SPIRE2: variants seen among roughly 807,000 people sequenced by gnomAD.
The protein encoded by SPIRE2 is spire type actin nucleation factor 2, also known as protein spire homolog 2.
Under a neutral mutation model 80.7 loss-of-function variants are expected in SPIRE2, and 76 were observed. The observed-to-expected ratio is 0.94, with a 90% CI of 0.78 to 1.14. The LOEUF is 1.14. SPIRE2 is among the 50% of genes most tolerant of loss of function. The pLI, the probability that SPIRE2 is intolerant of heterozygous loss-of-function variation, is 0.00. For synonymous variants in SPIRE2, 535 were observed against 432.6 expected, an observed-to-expected ratio of 1.24 and a Z score of -2.94; for missense variants, 1,196 against 1,015.3, an observed-to-expected ratio of 1.18 and a Z score of -2.42.
intron 5 of SPIRE2, among the ~76,000 whole-genome samples, chr16:89,855,039 A>C (rs1246737025): frequency 1.3e-5 from 2 of 152,190 alleles, no homozygotes; most frequent in African/African-American, 2.4e-5. Flanking sequence ...CCTGGGTTCA[A>C]GCGATTCTCC....
At chr16:89,831,387 TTTTC>T (rs1254387908) in intron 1 of SPIRE2, among the ~76,000 whole-genome samples, 9 of 149,384 alleles carry the variant, frequency 6.0e-5, no homozygotes, top group East Asian at 1.9e-4. Flanking sequence ...GCTAAACTTT[TTTTC>T]TTTCTTTCTT....
At position 89,866,361 on chromosome 16, in the gene SPIRE2, G is replaced by A. The variant is rs1001690518; in HGVS notation, c.1779-1828G>A. Among the ~76,000 whole-genome samples, 9 of 151,840 alleles carry A rather than the reference G, an allele frequency of 5.9e-5. No homozygotes were observed. In the East Asian group the frequency reaches 7.7e-4, roughly 13 times the overall value. On this transcript the variant is annotated intron_variant, in intron 12 of 14. Transcript: ENST00000378247. ...TGCCCAGTCGGAAGTGCAATGCCGC[G>A]ATCTCAGCTCACTGCAACCTCTGCC...
At chr16:89,868,349 A>G (rs932616406) in intron 13 of SPIRE2, 133 bp downstream of exon 13, 5 of 966,896 alleles carry the variant, frequency 5.2e-6, no homozygotes, top group East Asian at 4.9e-5. Flanking sequence ...ATCCATTCCT[A>G]TACTTTCCAA....
At chr16:89,868,305 C>T in intron 13 of SPIRE2, 89 bp downstream of exon 13, 6 of 1,276,076 alleles carry the variant, frequency 4.7e-6, no homozygotes, top group Non-Finnish European at 6.8e-6. Context: ...GATGCTGCCT[C>T]ACCAGGCACC....
chr16:89,832,105 G>A (rs1037740763), intron 1 of SPIRE2, among the ~76,000 whole-genome samples: 13 of 152,374 alleles, frequency 8.5e-5, no homozygotes, highest in African/African-American at 1.9e-4. Context: ...TGATGGCAGC[G>A]CGTGCCCGCG....
In SPIRE2 at chr16:89,854,534, G is replaced by A. The variant is rs1458859715; in HGVS notation, c.774G>A (p.Lys258=). ...QLMRELRRGV[K]LKKVQEQEFN... Reference sequence around the variant, plus strand: ...TGCGGGAGCTCCGCCGCGGAGTGAAGCTGAAGAAGGTGCAAGAGCAGGAGT... The same window carrying A: ...TGCGGGAGCTCCGCCGCGGAGTGAAACTGAAGAAGGTGCAAGAGCAGGAGT... The change falls in exon 5 of 15, where the codon AAG becomes AAA. Residue 258 remains lysine, a synonymous_variant. Coordinates refer to ENST00000378247, the MANE Select transcript of SPIRE2 (RefSeq NM_032451.2). 1.2e-6 allele frequency: 2 copies of A among 1,612,786 alleles called. No individual in the cohort carries two copies. Among genetic ancestry groups the A allele is most frequent in the East Asian group, 2.2e-5 (1 of 44,884 alleles).
chr16:89,862,016 T>G (rs1161695625), intron 10 of SPIRE2: 1 of 151,552 alleles, frequency 6.6e-6, no homozygotes, highest in Non-Finnish European at 1.5e-5. Context: ...TTTTTTTTTT[T>G]TTTTGAGACA....
At chr16:89,839,392 G>A (rs960398202) in intron 1 of SPIRE2, among the ~76,000 whole-genome samples, 112 of 138,958 alleles carry the variant, frequency 8.1e-4, no homozygotes, top group African/African-American at 2.9e-3. Flanking sequence ...AAAAAAAACT[G>A]TTAGGGATGT....
rs1368856434 is a variant in SPIRE2 at position 89,854,467 on chromosome 16, T to C, written c.727-20T>C. The C allele has an allele frequency of 1.2e-6, 2 of 1,611,400 alleles. No individual in the cohort carries two copies. The highest frequency in any genetic ancestry group is 2.2e-5 in the South Asian group (2 of 91,036). ...AGCTTCACCTGGGGCTGAGACCCAT[T>C]CTCTTCCCCTGGGGCCCAGGCCCGA... On this transcript the variant is annotated intron_variant, in intron 4 of 14. Transcript: ENST00000378247.
rs1313903241 is a variant in SPIRE2, at chr16:89,870,422, C to T, written c.*150C>T. ...TATATTTATATACACTGTTTCCTGG[C>T]CCCAGAGCTCATTTGGGTTCAGGCG... On this transcript the variant is annotated 3_prime_UTR_variant, in exon 15 of 15. Transcript: ENST00000378247. 8.5e-6 allele frequency: 5 copies of T among 585,156 alleles called. No individual in the cohort carries two copies. The Admixed American group carries it at 1.5e-4, about 18-fold the overall frequency. The allele number at this position is 585,156 out of a possible 1,614,324, so 36.2% of individuals were successfully genotyped here. A position where few individuals can be genotyped will look rare whatever the true frequency, so the allele number is the denominator to read the frequency against.
chr16:89,862,096 C>T (rs1346531598), intron 10 of SPIRE2: 3 of 151,912 alleles, frequency 2.0e-5, no homozygotes, highest in East Asian at 1.9e-4. Flanking sequence ...CTCCGCCTCC[C>T]GGGTTCATGC....
chr16:89,854,640 C>T lies in SPIRE2; in HGVS notation c.880C>T (p.Arg294Cys), dbSNP rs779726566. 16 of 1,564,898 alleles carry T rather than the reference C, an allele frequency of 1.0e-5. No homozygotes were observed. Among genetic ancestry groups the T allele is most frequent in the African/African-American group, 5.4e-5 (4 of 73,528 alleles). ...CATCCGGGCCCGGAACTACAAGCTG[C>T]GCAAGGTCATGGTGAGCGGGGCAGA... ...QDIRARNYKL[R>C]KVMVDGDIPP... Residue 294 changes from arginine (R) to cysteine (C), a missense_variant, in exon 5 of 15, where the codon CGC becomes TGC. Coordinates refer to ENST00000378247, the MANE Select transcript of SPIRE2 (RefSeq NM_032451.2).
intron 13 of SPIRE2, among the ~76,000 whole-genome samples, chr16:89,868,458 G>C (rs2041808689): frequency 6.6e-6 from 1 of 152,172 alleles, no homozygotes; most frequent in Admixed American, 6.5e-5. Context: ...CCCTCTAAAA[G>C]TCCTACCTTC....
chr16:89,830,461 G>A lies in SPIRE2; in HGVS notation c.244+1667G>A, dbSNP rs1477430547. ...AAATCTATTACCCTGAACTTTCTGTGCCATCCTTGTGGTGCTTCTGAGTCA... is the reference window on the plus strand; with the variant it reads ...AAATCTATTACCCTGAACTTTCTGTACCATCCTTGTGGTGCTTCTGAGTCA... On this transcript the variant is annotated intron_variant, in intron 1 of 14. Coordinates refer to ENST00000378247, the MANE Select transcript of SPIRE2 (RefSeq NM_032451.2). 3.3e-5 allele frequency among the ~76,000 whole-genome samples: 5 copies of A among 151,342 alleles called. 1 individual carries two copies. Among genetic ancestry groups the A allele is most frequent in the Non-Finnish European group, 1.5e-5 (1 of 67,502 alleles).
rs1158642514 is a variant in SPIRE2 at position 89,870,145 on chromosome 16, C to G, written c.2018C>G (p.Thr673Ser). The change falls in exon 15 of 15, where the codon ACC becomes AGC. Residue 673 changes from threonine (T) to serine (S), a missense_variant. Physicochemically the swap from Thr to Ser is moderately conservative, Grantham distance 58 (BLOSUM62 1). Transcript: ENST00000378247. Reference protein sequence around the residue: ...CVLKDVCSECTSFVADVVRSS... With the variant: ...CVLKDVCSECSSFVADVVRSS... ...CTGAAGGATGTCTGCAGTGAGTGCA[C>G]CAGCTTTGTGGCAGACGTGGTGCGT... The G allele has an allele frequency of 6.2e-7, 1 of 1,612,854 alleles. No homozygotes were observed. The highest frequency in any genetic ancestry group is 8.5e-7 in the Non-Finnish European group (1 of 1,179,544).
chr16:89,831,960 G>T (rs1183072756), intron 1 of SPIRE2, among the ~76,000 whole-genome samples: 2 of 139,200 alleles, frequency 1.4e-5, no homozygotes, highest in East Asian at 3.8e-4. Context: ...TAGTGATCTA[G>T]GCAGCACGGG....
At chr16:89,869,516 C>G in intron 13 of SPIRE2, 51 bp from the exon 14 acceptor site, 1 of 1,302,982 alleles carries the variant, frequency 7.7e-7, no homozygotes, top group Non-Finnish European at 1.1e-6. Context: ...CTGAGTGTAC[C>G]TGAATGTCTC....
chr16:89,850,843 TG>T (rs1189486682), intron 3 of SPIRE2, among the ~76,000 whole-genome samples, 183 bp downstream of exon 3: 1 of 151,966 alleles, frequency 6.6e-6, no homozygotes, highest in Non-Finnish European at 1.5e-5. Context: ...TTGTTGTTGT[TG>T]TTGTTTTTTT....
chr16:89,869,815 A>G (rs2041823489), intron 14 of SPIRE2, 133 bp downstream of exon 14: 1 of 766,866 alleles, frequency 1.3e-6, no homozygotes, highest in African/African-American at 1.7e-5. Context: ...CAAGGCAGAG[A>G]CGGATCGTTG....
Sources: gnomAD v4.1 joint callset for allele counts (sites outside exome capture counted in the v4.1 genomes callset) on GRCh38, gnomAD v4.1.1 for gene constraint, MANE v1.5 for transcripts, NCBI Gene and HGNC (gene_info 2026-07-23, HGNC 2026-07-21) for gene names.